The following DLG2 variants were observed in gnomAD, a reference collection of about 807,000 sequenced individuals.
DLG2 encodes the protein discs large MAGUK scaffold protein 2.
Under a neutral mutation model 132.5 loss-of-function variants are expected in DLG2, and 45 were observed. The observed-to-expected ratio is 0.34, with a 90% confidence interval of 0.27 to 0.44. The LOEUF (loss-of-function observed/expected upper bound fraction) is 0.44, where lower values mean the gene tolerates loss of function less well. DLG2 is among the 20% of genes least tolerant of loss of function. DLG2 has a pLI of 1.00. For synonymous variants in DLG2, 424 were observed against 419.6 expected (o/e 1.01, Z -0.13); for missense variants, 1,045 against 1,196.9 (o/e 0.87, Z 1.87).
At chr11:84,242,710 T>C (rs942628859) in intron 8 of DLG2, among the ~76,000 whole-genome samples, 1 of 152,162 alleles carries the variant, frequency 6.6e-6, no homozygotes, top group Non-Finnish European at 1.5e-5. Context: ...CTGGCCAAAA[T>C]AGGAATTTTA....
intron 3 of DLG2, among the ~76,000 whole-genome samples, chr11:85,568,862 G>A (rs184846520): frequency 2.0e-5 from 3 of 151,686 alleles, no homozygotes; most frequent in African/African-American, 4.8e-5. Flanking sequence ...AACTGGTTTC[G>A]GTTTCATTGA....
intron 6 of DLG2, among the ~76,000 whole-genome samples, chr11:85,037,939 G>A (rs1440861926): frequency 6.6e-6 from 1 of 152,052 alleles, no homozygotes. Flanking sequence ...TGGTTAATGA[G>A]TCAACCCAGG....
At chr11:84,856,947 T>C (rs2082868147) in intron 6 of DLG2, among the ~76,000 whole-genome samples, 1 of 151,892 alleles carries the variant, frequency 6.6e-6, no homozygotes, top group African/African-American at 2.4e-5. Context: ...GAACCAAAAG[T>C]ATGTTTTGTC....
rs575230990 is a variant in DLG2, at chr11:84,399,969, T to G, written c.519+134601A>C. Among the ~76,000 whole-genome samples, 4 of 152,338 alleles carry G rather than the reference T, an allele frequency of 2.6e-5. No homozygotes were observed. In the South Asian group the frequency reaches 8.3e-4, roughly 32 times the overall value. On this transcript the variant is annotated intron_variant, in intron 7 of 27. Transcript: ENST00000376104. ...TGCTAGAAATATTTTGTTCCTTGCC[T>G]GTGAAGGCAAGTCTGATTTCTTCAA...
intron 3 of DLG2, among the ~76,000 whole-genome samples, chr11:85,589,594 T>A (rs1441912534): frequency 6.6e-6 from 1 of 152,026 alleles, no homozygotes; most frequent in African/African-American, 2.4e-5. Context: ...CAAAGGGGAT[T>A]ATGGCTGCCT....
At chr11:83,617,815 G>A (rs1326407448) in intron 19 of DLG2, among the ~76,000 whole-genome samples, 1 of 152,070 alleles carries the variant, frequency 6.6e-6, no homozygotes, top group African/African-American at 2.4e-5. Context: ...TGACCAACAT[G>A]GTGAAACTCC....
intron 3 of DLG2, among the ~76,000 whole-genome samples, chr11:85,346,431 G>A (rs1565356077): frequency 1.3e-5 from 2 of 152,020 alleles, no homozygotes; most frequent in African/African-American, 4.8e-5. Context: ...CTCGTGATCT[G>A]CCCGCCTCGG....
intron 6 of DLG2, among the ~76,000 whole-genome samples, chr11:84,728,514 G>A (rs1246636972): frequency 6.6e-6 from 1 of 152,050 alleles, no homozygotes; most frequent in Non-Finnish European, 1.5e-5. Context: ...GAGGACCTTC[G>A]CATCGATGTT....
At chr11:85,515,477 C>A (rs530787618) in intron 3 of DLG2, among the ~76,000 whole-genome samples, 1 of 151,910 alleles carries the variant, frequency 6.6e-6, no homozygotes, top group Admixed American at 6.6e-5. Context: ...ATTTTGTAAA[C>A]CTCTTAGTCT....
intron 11 of DLG2, among the ~76,000 whole-genome samples, chr11:84,055,314 G>C (rs2096479925): frequency 6.6e-6 from 1 of 152,026 alleles, no homozygotes; most frequent in African/African-American, 2.4e-5. Flanking sequence ...ACCCCTAACT[G>C]ATCTCTGCTC....
chr11:84,954,316 A>G (rs1426806457), intron 6 of DLG2, among the ~76,000 whole-genome samples: 1 of 151,364 alleles, frequency 6.6e-6, no homozygotes, highest in Non-Finnish European at 1.5e-5. Context: ...TGGGGAGATC[A>G]AGGAGCAATA....
At chr11:84,697,070 C>T (rs896516537) in intron 6 of DLG2, among the ~76,000 whole-genome samples, 2 of 151,274 alleles carry the variant, frequency 1.3e-5, no homozygotes, top group East Asian at 2.0e-4. Context: ...CCTTGGGCAA[C>T]GGGAGAGATA....
chr11:84,163,405 G>A (rs1340854674), intron 9 of DLG2, 56 bp downstream of exon 9: 2 of 1,470,832 alleles, frequency 1.4e-6, no homozygotes, highest in Non-Finnish European at 1.9e-6. Context: ...ATTAAGATTA[G>A]AATAGAATGT....
At chr11:85,099,281 G>A (rs2070450945) in intron 6 of DLG2, among the ~76,000 whole-genome samples, 1 of 152,150 alleles carries the variant, frequency 6.6e-6, no homozygotes, top group Admixed American at 6.5e-5. Context: ...ACTACCTGAG[G>A]CTAGATCTAA....
At chr11:85,399,546 G>C (rs1307598012) in intron 3 of DLG2, among the ~76,000 whole-genome samples, 1 of 152,130 alleles carries the variant, frequency 6.6e-6, no homozygotes, top group Non-Finnish European at 1.5e-5. Context: ...CAAGGCTACA[G>C]TAACCAAAAC....
chr11:84,173,511 A>G (rs2095869214), intron 8 of DLG2, among the ~76,000 whole-genome samples: 3 of 152,230 alleles, frequency 2.0e-5, no homozygotes, highest in Admixed American at 2.0e-4. Flanking sequence ...CTCAAAGCAC[A>G]TAGCCAAAAT....
intron 6 of DLG2, among the ~76,000 whole-genome samples, chr11:84,544,352 T>G (rs2099385293): frequency 6.6e-6 from 1 of 152,232 alleles, no homozygotes; most frequent in Non-Finnish European, 1.5e-5. Flanking sequence ...ATGCCACACA[T>G]TGAGGATGCT....
intron 6 of DLG2, among the ~76,000 whole-genome samples, chr11:84,890,236 T>C (rs919680238): frequency 2.0e-5 from 3 of 152,196 alleles, no homozygotes; most frequent in Non-Finnish European, 2.9e-5. Context: ...ATTGGAAATG[T>C]GGCTAAGAGA....
Position 85,271,761 on chromosome 11 carries a change from C to T in DLG2, c.186+13459G>A, listed in dbSNP as rs2077546404. On this transcript the variant is annotated intron_variant, in intron 4 of 27. Coordinates refer to ENST00000376104, the MANE Select transcript of DLG2 (RefSeq NM_001142699.3). Reference sequence around the variant, plus strand: ...GGGCCTTCAGCCCCTTTCTTTGGGCCAATTTCTCCCATTTGGAACAAGTAT... The same window carrying T: ...GGGCCTTCAGCCCCTTTCTTTGGGCTAATTTCTCCCATTTGGAACAAGTAT... 3.3e-5 allele frequency among the ~76,000 whole-genome samples: 5 copies of T among 152,212 alleles called. No homozygotes were observed. In the South Asian group the frequency reaches 1.0e-3, roughly 32 times the overall value.
Sources: gnomAD v4.1 joint callset for allele counts (sites outside exome capture counted in the v4.1 genomes callset) on GRCh38, gnomAD v4.1.1 for gene constraint, MANE v1.5 for transcripts, NCBI Gene and HGNC (gene_info 2026-07-23, HGNC 2026-07-21) for gene names.